SND1: variants seen among roughly 807,000 people sequenced by gnomAD.
The protein encoded by SND1 is staphylococcal nuclease and tudor domain containing 1.
A neutral mutation model predicts 121.7 loss-of-function variants in SND1; 38 were observed. The ratio of observed to expected loss-of-function variants is 0.31; its 90% CI spans 0.24 to 0.41. SND1 has a LOEUF of 0.41. Among genes scored for constraint, SND1 ranks in the 10% least tolerant of loss-of-function variants. SND1 has a pLI of 1.00. For synonymous variants in SND1, 401 were observed against 447.4 expected, an observed-to-expected ratio of 0.90 and a Z score of 1.31; for missense variants, 868 against 1,184.6, an observed-to-expected ratio of 0.73 and a Z score of 3.92.
At chr7:127,757,268 T>C (rs1797215105) in intron 10 of SND1, among the ~76,000 whole-genome samples, 1 of 152,202 alleles carries the variant, frequency 6.6e-6, no homozygotes, top group Middle Eastern at 3.2e-3. Context: ...ATATCACTAG[T>C]GGTTCTTTTC....
intron 10 of SND1, among the ~76,000 whole-genome samples, chr7:127,777,249 C>A (rs1275658010): frequency 6.6e-6 from 1 of 152,194 alleles, no homozygotes; most frequent in Admixed American, 6.5e-5. Flanking sequence ...GGAAATGAAG[C>A]CTTCTTATGG....
chr7:128,074,606 C>T lies in SND1; in HGVS notation c.1884C>T (p.Ser628=). The T allele has an allele frequency of 6.2e-7, 1 of 1,613,924 alleles. No individual in the cohort carries two copies. The highest frequency in any genetic ancestry group is 8.5e-7 in the Non-Finnish European group (1 of 1,180,018). The change falls in exon 17 of 24, where the codon TCC becomes TCT. Residue 628 remains serine, a synonymous_variant. Coordinates refer to ENST00000354725, the MANE Select transcript of SND1 (RefSeq NM_014390.4). ...TCCTGCTGGTGGAGCACGCGCTCTC[C>T]AAGGTCCACTTCACCGCCGAACGCA... is the stretch of plus-strand genomic sequence containing the variant. The part of the protein sequence containing the change: ...LSVLLVEHAL[S]KVHFTAERSS...
chr7:127,739,654 C>T (rs944874203), intron 10 of SND1, among the ~76,000 whole-genome samples: 4 of 152,208 alleles, frequency 2.6e-5, no homozygotes, highest in Non-Finnish European at 5.9e-5. Flanking sequence ...AGCTAAGACT[C>T]AGCATCCTGA....
intron 11 of SND1, among the ~76,000 whole-genome samples, chr7:127,843,551 A>G (rs1376495866): frequency 2.0e-5 from 3 of 152,152 alleles, no homozygotes; most frequent in East Asian, 3.8e-4. Context: ...AGCTTCCTCC[A>G]TGTCTTTTCA....
chr7:127,920,486 G>A (rs998652435), intron 14 of SND1, among the ~76,000 whole-genome samples: 1 of 152,168 alleles, frequency 6.6e-6, no homozygotes, highest in African/African-American at 2.4e-5. Context: ...TATAAACACT[G>A]AGTATTGAGT....
intron 16 of SND1, among the ~76,000 whole-genome samples, chr7:128,051,919 T>TA (rs942671054): frequency 1.2e-4 from 19 of 152,006 alleles, no homozygotes; most frequent in Admixed American, 5.2e-4. Context: ...CACTGGTAAA[T>TA]AAAAAAAATG....
intron 16 of SND1, chr7:128,030,307 G>A: frequency 6.2e-7 from 1 of 1,614,122 alleles, no homozygotes; most frequent in Non-Finnish European, 8.5e-7. Flanking sequence ...TCAATCTGCC[G>A]GATGGAGTTC....
intron 12 of SND1, among the ~76,000 whole-genome samples, chr7:127,859,552 G>A (rs1221575850): frequency 6.6e-6 from 1 of 152,112 alleles, no homozygotes; most frequent in Non-Finnish European, 1.5e-5. Flanking sequence ...TATGATTCTG[G>A]GGCCTTAGGT....
At chr7:127,980,653 A>C (rs1001813796) in intron 15 of SND1, among the ~76,000 whole-genome samples, 1 of 152,212 alleles carries the variant, frequency 6.6e-6, no homozygotes, top group African/African-American at 2.4e-5. Flanking sequence ...AAGCTCAAAA[A>C]AGGCAATAGT....
At chr7:127,673,578 C>T (rs893082543) in intron 1 of SND1, among the ~76,000 whole-genome samples, 2 of 152,194 alleles carry the variant, frequency 1.3e-5, no homozygotes, top group African/African-American at 4.8e-5. Flanking sequence ...TCCCAAAGTC[C>T]TGGGATTACA....
chr7:127,727,308 C>G (rs1562992578), intron 10 of SND1, among the ~76,000 whole-genome samples: 1 of 152,142 alleles, frequency 6.6e-6, no homozygotes, highest in Non-Finnish European at 1.5e-5. Context: ...CCTTGGGATT[C>G]TTAAGGGCTT....
chr7:127,994,773 G>A (rs188827283), intron 16 of SND1, among the ~76,000 whole-genome samples: 21 of 152,048 alleles, frequency 1.4e-4, no homozygotes, highest in Non-Finnish European at 2.2e-4. Context: ...GTGCAGTGGC[G>A]CGATCTCAGC....
chr7:127,777,756 G>A (rs1308074245), intron 10 of SND1, among the ~76,000 whole-genome samples: 2 of 152,138 alleles, frequency 1.3e-5, no homozygotes, highest in African/African-American at 4.8e-5. Flanking sequence ...GACCAATCTG[G>A]TGTCCAACTC....
intron 12 of SND1, among the ~76,000 whole-genome samples, chr7:127,855,076 A>G (rs1441634385): frequency 6.6e-6 from 1 of 151,688 alleles, no homozygotes; most frequent in Admixed American, 6.6e-5. Flanking sequence ...ACTCGGCATA[A>G]GGTTGAGATG....
chr7:127,852,625 C>T (rs1346229787), intron 12 of SND1, among the ~76,000 whole-genome samples: 1 of 151,956 alleles, frequency 6.6e-6, no homozygotes, highest in South Asian at 2.1e-4. Context: ...GCCTGCCCAA[C>T]ATGGTGAAAC....
intron 13 of SND1, among the ~76,000 whole-genome samples, chr7:127,900,363 G>A (rs181944939): frequency 4.6e-5 from 7 of 152,190 alleles, no homozygotes; most frequent in Admixed American, 3.9e-4. Context: ...TTGTTGGCAC[G>A]GGAGGGACTG....
At chr7:127,659,472 G>A (rs181036230) in intron 1 of SND1, among the ~76,000 whole-genome samples, 39 of 152,186 alleles carry the variant, frequency 2.6e-4, no homozygotes, top group Admixed American at 1.1e-3. Context: ...AAACTGGTTT[G>A]GCACATTTTC....
At chr7:127,918,461 G>A (rs1366845535) in intron 14 of SND1, among the ~76,000 whole-genome samples, 4 of 152,090 alleles carry the variant, frequency 2.6e-5, no homozygotes, top group Non-Finnish European at 1.5e-5. Flanking sequence ...AAATATAAGT[G>A]AGTGAAAAGG....
At chr7:127,699,150 A>G (rs1169549073) in intron 4 of SND1, among the ~76,000 whole-genome samples, 197 bp downstream of exon 4, 2 of 152,184 alleles carry the variant, frequency 1.3e-5, no homozygotes, top group African/African-American at 2.4e-5. Flanking sequence ...ACTCTTTTAA[A>G]CACAGGCTTT....
Sources: gnomAD v4.1 joint callset for allele counts (sites outside exome capture counted in the v4.1 genomes callset) on GRCh38, gnomAD v4.1.1 for gene constraint, MANE v1.5 for transcripts, NCBI Gene and HGNC (gene_info 2026-07-23, HGNC 2026-07-21) for gene names.